The following RAB28 variants were observed in gnomAD, a reference collection of about 807,000 sequenced individuals.
RAB28 encodes ras-related protein Rab-28.
A neutral mutation model predicts 31.7 loss-of-function variants in RAB28; 24 were observed. That is an observed-to-expected ratio of 0.76 (90% CI 0.55 to 1.06). The LOEUF (loss-of-function observed/expected upper bound fraction) is 1.06. RAB28 is among the 50% of genes least tolerant of loss of function. The pLI is 0.00. For synonymous variants in RAB28, 100 were observed against 90.4 expected, an observed-to-expected ratio of 1.11 and a Z score of -0.60; for missense variants, 254 against 258.5, an observed-to-expected ratio of 0.98 and a Z score of 0.12.
At chr4:13,474,037 AT>A (rs1716237012) in intron 3 of RAB28, 1 of 512,288 alleles carries the variant, frequency 2.0e-6, no homozygotes, top group African/African-American at 1.9e-5. Context: ...TCAAAATATC[AT>A]TTATCACTGC....
intron 5 of RAB28, among the ~76,000 whole-genome samples, chr4:13,378,654 T>C (rs1007723357): frequency 1.3e-5 from 2 of 152,082 alleles, no homozygotes; most frequent in African/African-American, 4.8e-5. Flanking sequence ...GCTAAAGCAA[T>C]ATCCTTGATT....
intron 4 of RAB28, among the ~76,000 whole-genome samples, chr4:13,414,485 G>A (rs1017420044): frequency 6.6e-6 from 1 of 152,128 alleles, no homozygotes; most frequent in African/African-American, 2.4e-5. Context: ...TCCAAAAGAG[G>A]TACCAAAATC....
Position 13,414,162 on chromosome 4 carries a change from T to A in RAB28, c.392-32568A>T, listed in dbSNP as rs1712616616. On this transcript the variant is annotated intron_variant, in intron 4 of 6. Transcript: ENST00000330852. ...CTACGGTTTCTAACAGTATTTATAG[T>A]TCATCTCTGGTCCCTCCCAGTCCAG... Among the ~76,000 whole-genome samples the A allele has an allele frequency of 2.6e-5, 4 of 152,236 alleles. No homozygotes were observed. The South Asian group carries it at 8.3e-4, about 32-fold the overall frequency.
At chr4:13,473,826 A>G (rs1424747537) in intron 3 of RAB28, 2 of 381,064 alleles carry the variant, frequency 5.2e-6, no homozygotes, top group African/African-American at 2.1e-5. Context: ...TCACATATAC[A>G]CTGTCATATT....
intron 3 of RAB28, among the ~76,000 whole-genome samples, chr4:13,472,508 TAATTG>T (rs1288358752): frequency 6.6e-6 from 1 of 151,870 alleles, no homozygotes; most frequent in African/African-American, 2.4e-5. Flanking sequence ...AAAAATGTAT[TAATTG>T]AATTATATAT....
chr4:13,458,541 C>T (rs1715423253), intron 4 of RAB28, among the ~76,000 whole-genome samples: 1 of 152,040 alleles, frequency 6.6e-6, no homozygotes, highest in Non-Finnish European at 1.5e-5. Context: ...ATGGTAAAAT[C>T]TGAAATCATT....
In RAB28 at chr4:13,368,243, T is replaced by TA. The variant is rs1728583676; in HGVS notation, c.*314dup. 9.8e-7 allele frequency: 1 copy of TA among 1,015,262 alleles called. No individual in the cohort carries two copies. Among genetic ancestry groups the TA allele is most frequent in the Non-Finnish European group, 1.2e-6 (1 of 850,016 alleles). The allele number at this position is 1,015,262 out of a possible 1,614,324, so 62.9% of individuals were successfully genotyped here. A position where few individuals can be genotyped will look rare whatever the true frequency, so the allele number is the denominator to read the frequency against. On this transcript the variant is annotated 3_prime_UTR_variant, in exon 7 of 7. Coordinates refer to ENST00000330852, the MANE Select transcript of RAB28 (RefSeq NM_001017979.3). ...GACTTGGAGAGTTTTCATATTAAGT[T>TA]AAAAAAATTTACATCAATGAAAAAA...
chr4:13,387,093 G>A (rs1729403657), intron 4 of RAB28, among the ~76,000 whole-genome samples: 1 of 152,028 alleles, frequency 6.6e-6, no homozygotes, highest in South Asian at 2.1e-4. Flanking sequence ...TGGCCTACAA[G>A]AGGATGGAGG....
intron 4 of RAB28, among the ~76,000 whole-genome samples, chr4:13,391,735 A>T (rs1376637194): frequency 2.0e-5 from 3 of 152,186 alleles, no homozygotes; most frequent in Non-Finnish European, 4.4e-5. Context: ...ATAAAAAAGG[A>T]TGAGTTCTTT....
chr4:13,476,675 G>C (rs1282036642), intron 2 of RAB28, among the ~76,000 whole-genome samples: 4 of 151,198 alleles, frequency 2.6e-5, no homozygotes, highest in African/African-American at 9.7e-5. Context: ...AATTCTCCTA[G>C]TATATTTTCA....
intron 3 of RAB28, among the ~76,000 whole-genome samples, chr4:13,470,295 A>T (rs1716061486): frequency 6.6e-6 from 1 of 152,124 alleles, no homozygotes; most frequent in African/African-American, 2.4e-5. Context: ...ACCCGTAAGA[A>T]ACACTAACAC....
At chr4:13,482,447 T>C (rs1452795383) in intron 1 of RAB28, among the ~76,000 whole-genome samples, 4 of 152,162 alleles carry the variant, frequency 2.6e-5, no homozygotes, top group Non-Finnish European at 5.9e-5. Context: ...TGAGTTGTCA[T>C]TATCATTTTA....
intron 3 of RAB28, among the ~76,000 whole-genome samples, chr4:13,471,476 C>T (rs1401422014): frequency 6.6e-6 from 1 of 151,904 alleles, no homozygotes; most frequent in Non-Finnish European, 1.5e-5. Flanking sequence ...CTCTGGAAAG[C>T]AGAAAAAAGT....
chr4:13,371,965 T>G, intron 6 of RAB28: 1 of 1,211,120 alleles, frequency 8.3e-7, no homozygotes, highest in Admixed American at 2.1e-5. Context: ...GTGGCAGCCA[T>G]GGAGGGCATA....
chr4:13,394,506 G>T (rs1425975785), intron 4 of RAB28, among the ~76,000 whole-genome samples: 5 of 152,122 alleles, frequency 3.3e-5, no homozygotes, highest in Non-Finnish European at 7.4e-5. Context: ...GTTCCTAACA[G>T]GCCATGTAAC....
chr4:13,448,062 G>A (rs1313055833), intron 4 of RAB28, among the ~76,000 whole-genome samples: 6 of 152,040 alleles, frequency 3.9e-5, no homozygotes, highest in Admixed American at 6.5e-5. Flanking sequence ...CCAAGCTCAC[G>A]TAACTAGATA....
intron 3 of RAB28, among the ~76,000 whole-genome samples, chr4:13,471,972 C>T (rs16888704): frequency 0.056 from 8,498 of 151,968 alleles, 542 homozygotes; most frequent in African/African-American, 0.16. Context: ...ACTAAACTTA[C>T]GGACTTTCAA....
intron 1 of RAB28, among the ~76,000 whole-genome samples, chr4:13,483,361 A>C (rs1313678491): frequency 6.6e-6 from 1 of 152,166 alleles, no homozygotes; most frequent in Non-Finnish European, 1.5e-5. Flanking sequence ...TCCTACCCGT[A>C]ACAGGAGCTC....
intron 4 of RAB28, among the ~76,000 whole-genome samples, chr4:13,400,962 G>C (rs542497584): frequency 6.6e-6 from 1 of 152,164 alleles, no homozygotes; most frequent in East Asian, 1.9e-4. Context: ...GATTCAATTT[G>C]TTAATATTTT....
Sources: gnomAD v4.1 joint callset for allele counts (sites outside exome capture counted in the v4.1 genomes callset) on GRCh38, gnomAD v4.1.1 for gene constraint, MANE v1.5 for transcripts, NCBI Gene and HGNC (gene_info 2026-07-23, HGNC 2026-07-21) for gene names.